Variants in VPS50 observed in about 807,000 individuals in gnomAD.
VPS50 encodes the protein syndetin.
In VPS50, 70 loss-of-function variants were observed where a neutral mutation model predicts 139.7. The observed-to-expected ratio is 0.50, with a 90% CI of 0.41 to 0.61. The LOEUF (loss-of-function observed/expected upper bound fraction) is 0.61, where lower values mean the gene tolerates loss of function less well. VPS50 is among the 20% of genes least tolerant of loss of function. VPS50 has a pLI of 0.00. For synonymous variants in VPS50, 365 were observed against 376.7 expected (o/e 0.97, Z 0.36); for missense variants, 921 against 1,133.7 (o/e 0.81, Z 2.69).
At chr7:93,274,068 C>T (rs953607473) in intron 11 of VPS50, among the ~76,000 whole-genome samples, 2 of 152,048 alleles carry the variant, frequency 1.3e-5, no homozygotes, top group South Asian at 2.1e-4. Flanking sequence ...GCCATTCCCC[C>T]TTCTCTCCCT....
intron 26 of VPS50, 39 bp from the exon 27 acceptor site, chr7:93,355,852 A>G: frequency 7.7e-7 from 1 of 1,306,592 alleles, no homozygotes. Flanking sequence ...GTTTCTAATT[A>G]TCCTATAATG....
intron 5 of VPS50, 119 bp from the exon 6 acceptor site, chr7:93,257,275 A>G: frequency 1.7e-6 from 1 of 590,836 alleles, no homozygotes. Context: ...TTTTGTTGCT[A>G]CTTTGTTTTT....
chr7:93,340,603 G>T (rs1337778095), intron 22 of VPS50: 1 of 152,224 alleles, frequency 6.6e-6, no homozygotes, highest in Non-Finnish European at 1.5e-5. Flanking sequence ...CATAGGATAT[G>T]TTTATATGAA....
chr7:93,249,339 CA>C (rs1795248932), intron 2 of VPS50, among the ~76,000 whole-genome samples: 1 of 151,478 alleles, frequency 6.6e-6, no homozygotes, highest in South Asian at 2.1e-4. Context: ...AGAGAGAATG[CA>C]TGTTTGCCCT....
At chr7:93,246,690 T>C (rs919319477) in intron 2 of VPS50, among the ~76,000 whole-genome samples, 13 of 151,938 alleles carry the variant, frequency 8.6e-5, no homozygotes, top group African/African-American at 3.1e-4. Flanking sequence ...TTTGGATTAG[T>C]ATTTTTAATT....
intron 9 of VPS50, among the ~76,000 whole-genome samples, chr7:93,270,413 A>T (rs937156443): frequency 1.3e-5 from 2 of 152,026 alleles, no homozygotes; most frequent in Non-Finnish European, 2.9e-5. Flanking sequence ...TTTTTTACTG[A>T]CTTCTTTTGC....
chr7:93,294,757 TG>T, intron 14 of VPS50, 121 bp downstream of exon 14: 1 of 734,098 alleles, frequency 1.4e-6, no homozygotes, highest in Non-Finnish European at 2.1e-6. Context: ...CATATGTTTC[TG>T]TTTGGAATTA....
At chr7:93,247,333 T>G (rs1795185752) in intron 2 of VPS50, among the ~76,000 whole-genome samples, 1 of 152,028 alleles carries the variant, frequency 6.6e-6, no homozygotes, top group African/African-American at 2.4e-5. Context: ...TTTAAACAAA[T>G]CTCAGTTGTT....
At chr7:93,277,977 A>AT (rs1584418652) in intron 12 of VPS50, among the ~76,000 whole-genome samples, 1 of 151,980 alleles carries the variant, frequency 6.6e-6, no homozygotes, top group South Asian at 2.1e-4. Context: ...TATGTTAGCA[A>AT]TTTTTTTCTA....
intron 21 of VPS50, among the ~76,000 whole-genome samples, chr7:93,331,507 A>G (rs1350969422): frequency 6.6e-6 from 1 of 152,020 alleles, no homozygotes; most frequent in Admixed American, 6.6e-5. Context: ...TTTTTTAGCA[A>G]GTGGTGTGGG....
At chr7:93,329,320 A>T (rs1562890041) in intron 21 of VPS50, among the ~76,000 whole-genome samples, 1 of 152,144 alleles carries the variant, frequency 6.6e-6, no homozygotes, top group Non-Finnish European at 1.5e-5. Context: ...ACAACAAAAA[A>T]TTTACTCAAT....
At chr7:93,354,225 G>C (rs1798633517) in intron 26 of VPS50, among the ~76,000 whole-genome samples, 1 of 151,834 alleles carries the variant, frequency 6.6e-6, no homozygotes, top group Admixed American at 6.6e-5. Flanking sequence ...AAAGAGGTTA[G>C]GTAACTTATC....
chr7:93,353,117 C>T (rs1372644164), intron 25 of VPS50, among the ~76,000 whole-genome samples: 1 of 151,900 alleles, frequency 6.6e-6, no homozygotes, highest in African/African-American at 2.4e-5. Context: ...TGCTTCTGGC[C>T]CCAAGCATTT....
At chr7:93,307,790 T>C (rs1484930053) in intron 18 of VPS50, among the ~76,000 whole-genome samples, 1 of 151,958 alleles carries the variant, frequency 6.6e-6, no homozygotes, top group Non-Finnish European at 1.5e-5. Context: ...TTTGCAGTTA[T>C]TAATGTGTGA....
At chr7:93,259,325 T>C (rs1297908303) in intron 8 of VPS50, 1 of 351,784 alleles carries the variant, frequency 2.8e-6, no homozygotes, top group African/African-American at 2.1e-5. Flanking sequence ...GGCTGTTACT[T>C]TGAAGGAATA....
chr7:93,303,480 G>A lies in VPS50; in HGVS notation c.1382G>A (p.Arg461Lys). Residue 461 changes from arginine (R) to lysine (K), a missense_variant, in exon 17 of 28, where the codon AGA becomes AAA. Arg to Lys is a conservative substitution (Grantham distance 26). Around this residue, in one of 3 missense-constraint regions of VPS50, gnomAD observed 744 missense variants for 930.6 expected, o/e 0.80. Coordinates refer to ENST00000305866, the MANE Select transcript of VPS50 (RefSeq NM_017667.4). ...NYHRTRLDEL[R>K]MFLENETWEL... ...TTAAGAACACGGCTCGATGAACTGAGAATGTTCTTAGAGAATGAGACTTGG... is the reference window on the plus strand; with the variant it reads ...TTAAGAACACGGCTCGATGAACTGAAAATGTTCTTAGAGAATGAGACTTGG... 1 of 1,573,238 alleles carries A rather than the reference G, an allele frequency of 6.4e-7. No individual in the cohort carries two copies. Among genetic ancestry groups the A allele is most frequent in the East Asian group, 2.3e-5 (1 of 44,140 alleles).
chr7:93,254,748 T>C (rs1451342164), intron 4 of VPS50, among the ~76,000 whole-genome samples: 1 of 152,216 alleles, frequency 6.6e-6, no homozygotes, highest in Non-Finnish European at 1.5e-5. Context: ...ATAATTTCTT[T>C]ATGTTAGGCT....
chr7:93,239,401 T>C (rs530647468), intron 1 of VPS50, among the ~76,000 whole-genome samples: 1 of 152,242 alleles, frequency 6.6e-6, no homozygotes, highest in Non-Finnish European at 1.5e-5. Flanking sequence ...ATTGGATACA[T>C]TGGTGGGAAA....
chr7:93,291,932 A>T (rs1796659147), intron 13 of VPS50, 97 bp downstream of exon 13: 1 of 763,154 alleles, frequency 1.3e-6, no homozygotes, highest in South Asian at 2.4e-5. Context: ...TGCCTTTGGG[A>T]TTTCAAAGAT....
Sources: gnomAD v4.1 joint callset for allele counts (sites outside exome capture counted in the v4.1 genomes callset) on GRCh38, gnomAD v4.1.1 for gene constraint, gnomAD v4.1.1 regional missense constraint, MANE v1.5 for transcripts, NCBI Gene and HGNC (gene_info 2026-07-23, HGNC 2026-07-21) for gene names.